The following CCDC3 variants were observed in gnomAD, a reference collection of about 807,000 sequenced individuals.
CCDC3 encodes the protein coiled-coil domain containing 3, also known as coiled-coil domain-containing protein 3.
In CCDC3, 24 loss-of-function variants were observed where a neutral mutation model predicts 21.4. That is an observed-to-expected ratio of 1.12 (90% confidence interval 0.81 to 1.58). CCDC3 has a LOEUF of 1.58. Ranked by LOEUF, CCDC3 falls within the 40% of genes most tolerant of loss-of-function variation. The pLI, the probability that CCDC3 is intolerant of heterozygous loss-of-function variation, is 0.00. For synonymous variants in CCDC3, 186 were observed against 166.0 expected, an observed-to-expected ratio of 1.12 and a Z score of -0.93; for missense variants, 425 against 360.9, an observed-to-expected ratio of 1.18 and a Z score of -1.44.
chr10:13,039,965 G>A (rs543925624), intron 5 of CCDC3, among the ~76,000 whole-genome samples: 3 of 151,902 alleles, frequency 2.0e-5, no homozygotes, highest in Admixed American at 6.6e-5. Context: ...CTAGGTGACC[G>A]CTGACATTGG....
intron 2 of CCDC3, among the ~76,000 whole-genome samples, chr10:12,902,668 C>T (rs1252379013): frequency 6.6e-6 from 1 of 152,082 alleles, no homozygotes; most frequent in African/African-American, 2.4e-5. Flanking sequence ...TCAGAAGCTG[C>T]GTTTAAAAAT....
chr10:13,017,288 G>A (rs566291813), intron 5 of CCDC3, among the ~76,000 whole-genome samples: 19 of 151,926 alleles, frequency 1.3e-4, no homozygotes, highest in African/African-American at 4.6e-4. Flanking sequence ...AGGCCGAGGT[G>A]GGCGGATCAC....
intron 2 of CCDC3, among the ~76,000 whole-genome samples, chr10:12,990,793 G>A (rs997425913): frequency 2.6e-5 from 4 of 152,140 alleles, no homozygotes; most frequent in Admixed American, 6.5e-5. Flanking sequence ...TGGTCAATGC[G>A]TCATGTTATG....
At chr10:12,954,756 G>A (rs1432108021) in intron 2 of CCDC3, among the ~76,000 whole-genome samples, 4 of 152,274 alleles carry the variant, frequency 2.6e-5, no homozygotes, top group African/African-American at 4.8e-5. Context: ...CTCCAACGTC[G>A]GGGATCAAAT....
chr10:12,933,749 T>C (rs1043482980), intron 2 of CCDC3, among the ~76,000 whole-genome samples: 4 of 152,262 alleles, frequency 2.6e-5, no homozygotes, highest in Non-Finnish European at 5.9e-5. Context: ...TGAGCCACTG[T>C]GCCCGGCCAT....
chr10:13,061,571 GT>G (rs1836758178), intron 4 of CCDC3, among the ~76,000 whole-genome samples: 1 of 152,176 alleles, frequency 6.6e-6, no homozygotes, highest in South Asian at 2.1e-4. Flanking sequence ...GTGCAGCTCG[GT>G]TTTATACATT....
rs34307162 is a variant in CCDC3 at position 12,970,887 on chromosome 10, CAA to C, written c.549+27449_549+27450del. 4.1e-3 allele frequency among the ~76,000 whole-genome samples: 555 copies of C among 134,628 alleles called. 9 individuals are homozygous for C. The East Asian group carries it at 0.046, about 11-fold the overall frequency. The allele number at this position is 134,628 out of a possible 152,430, so 88.3% of individuals were successfully genotyped here. On this transcript the variant is annotated intron_variant, in intron 2 of 2. Coordinates refer to ENST00000378825, the MANE Select transcript of CCDC3 (RefSeq NM_031455.4). ...CCTGGGCGACAGAGCAAGACTGTCT[CAA>C]AAAAAAAAAAAAAATTGTCAGTCTG...
At chr10:13,025,135 G>T (rs1469485106) in intron 5 of CCDC3, among the ~76,000 whole-genome samples, 1 of 152,094 alleles carries the variant, frequency 6.6e-6, no homozygotes, top group Non-Finnish European at 1.5e-5. Flanking sequence ...ACATATTGTT[G>T]ACTTGGAGTT....
At chr10:13,077,993 G>A (rs1038266064) in intron 3 of CCDC3, among the ~76,000 whole-genome samples, 21 of 152,158 alleles carry the variant, frequency 1.4e-4, no homozygotes, top group African/African-American at 5.1e-4. Flanking sequence ...GGCAACAAAA[G>A]CTGAAATAGA....
intron 3 of CCDC3, among the ~76,000 whole-genome samples, chr10:13,097,483 G>C (rs1832642581): frequency 6.6e-6 from 1 of 152,210 alleles, no homozygotes; most frequent in African/African-American, 2.4e-5. Context: ...CAGCACTTTG[G>C]AAGGCCGAGG....
intron 3 of CCDC3, among the ~76,000 whole-genome samples, chr10:13,089,007 CAAA>C (rs869262596): frequency 9.0e-6 from 1 of 110,824 alleles, no homozygotes; most frequent in Admixed American, 9.6e-5. Flanking sequence ...GAGACTGTCT[CAAA>C]AAAAAAAAAA....
At chr10:12,911,021 T>C (rs541198863) in intron 2 of CCDC3, among the ~76,000 whole-genome samples, 1 of 152,250 alleles carries the variant, frequency 6.6e-6, no homozygotes, top group South Asian at 2.1e-4. Context: ...TACTGTTCCA[T>C]TCTATAAACG....
intron 2 of CCDC3, among the ~76,000 whole-genome samples, chr10:12,928,244 T>C (rs898951700): frequency 1.3e-5 from 2 of 152,184 alleles, no homozygotes; most frequent in Non-Finnish European, 2.9e-5. Flanking sequence ...CCACACCAGA[T>C]TCAAATTTTA....
At chr10:12,961,927 C>A (rs753207727) in intron 2 of CCDC3, among the ~76,000 whole-genome samples, 4 of 152,136 alleles carry the variant, frequency 2.6e-5, no homozygotes, top group Non-Finnish European at 5.9e-5. Flanking sequence ...ATGTAAACCT[C>A]TGATAAGGAA....
chr10:12,995,886 A>T (rs1301862100), intron 2 of CCDC3, among the ~76,000 whole-genome samples: 1 of 152,182 alleles, frequency 6.6e-6, no homozygotes, highest in East Asian at 1.9e-4. Flanking sequence ...GTTTTTCCCA[A>T]ATGATGGAAA....
chr10:13,087,693 A>G (rs776851842), intron 3 of CCDC3, among the ~76,000 whole-genome samples: 2 of 149,216 alleles, frequency 1.3e-5, no homozygotes, highest in Non-Finnish European at 2.9e-5. Flanking sequence ...ATCCTTAGAT[A>G]CTTAGAAGAT....
chr10:13,025,056 T>C (rs1184700087), intron 5 of CCDC3, among the ~76,000 whole-genome samples: 3 of 152,222 alleles, frequency 2.0e-5, no homozygotes, highest in Non-Finnish European at 4.4e-5. Context: ...TCCCCAAATT[T>C]GATGGTTTAT....
chr10:12,982,783 ACT>A (rs1321666965), intron 2 of CCDC3, among the ~76,000 whole-genome samples: 17 of 108,878 alleles, frequency 1.6e-4, no homozygotes, highest in African/African-American at 5.9e-4. Flanking sequence ...ACAGAGCAAG[ACT>A]CTGTCTCAAA....
chr10:13,001,108 G>A (rs999705913), intron 1 of CCDC3, 89 bp downstream of exon 1: 114 of 1,458,076 alleles, frequency 7.8e-5, no homozygotes, highest in Admixed American at 2.4e-4. Flanking sequence ...CAGGCTGCCC[G>A]GGGAGTTACC....
Sources: gnomAD v4.1 joint callset for allele counts (sites outside exome capture counted in the v4.1 genomes callset) on GRCh38, gnomAD v4.1.1 for gene constraint, MANE v1.5 for transcripts, NCBI Gene and HGNC (gene_info 2026-07-23, HGNC 2026-07-21) for gene names.